The following ROBO1 variants were observed in gnomAD, a reference collection of about 807,000 sequenced individuals.
ROBO1 encodes the protein roundabout guidance receptor 1.
A neutral mutation model predicts 195.9 loss-of-function variants in ROBO1; 149 were observed. The ratio of observed to expected loss-of-function variants is 0.76; its 90% confidence interval spans 0.67 to 0.87. The LOEUF (loss-of-function observed/expected upper bound fraction) is 0.87, where lower values mean the gene tolerates loss of function less well. Ranked by LOEUF, ROBO1 falls within the 40% of genes least tolerant of loss-of-function variation. ROBO1 has a pLI of 0.00. For synonymous variants in ROBO1, 816 were observed against 733.2 expected, an observed-to-expected ratio of 1.11 and a Z score of -1.82; for missense variants, 1,933 against 2,068.3, an observed-to-expected ratio of 0.93 and a Z score of 1.27.
At chr3:79,468,918 T>G (rs1032995985) in intron 2 of ROBO1, among the ~76,000 whole-genome samples, 2 of 152,184 alleles carry the variant, frequency 1.3e-5, no homozygotes, top group African/African-American at 4.8e-5. Flanking sequence ...AAATGTTAAT[T>G]ACCTTGACCT....
At chr3:78,897,927 A>G (rs150344191) in intron 4 of ROBO1, among the ~76,000 whole-genome samples, 2 of 151,960 alleles carry the variant, frequency 1.3e-5, no homozygotes, top group African/African-American at 4.8e-5. Flanking sequence ...AGTGAAAGGT[A>G]GAACTCATGT....
Position 78,994,570 on chromosome 3 carries a change from A to G in ROBO1, c.173-55643T>C, listed in dbSNP as rs534924116. Among the ~76,000 whole-genome samples the G allele has an allele frequency of 9.9e-5, 15 of 152,254 alleles. No individual in the cohort carries two copies. The South Asian group carries it at 3.1e-3, about 32-fold the overall frequency. On this transcript the variant is annotated intron_variant, in intron 3 of 30. Transcript: ENST00000464233. ...GCTTTTAAAAGAACTTTCAATTGGA[A>G]ATACCGAGTAAATGGGTTCACACAG...
At chr3:79,324,311 G>C (rs2034114484) in intron 2 of ROBO1, among the ~76,000 whole-genome samples, 1 of 152,152 alleles carries the variant, frequency 6.6e-6, no homozygotes, top group Non-Finnish European at 1.5e-5. Flanking sequence ...GCACTGAATA[G>C]CCAACAGCAA....
chr3:79,365,907 A>AG (rs2035961720), intron 2 of ROBO1, among the ~76,000 whole-genome samples: 1 of 151,368 alleles, frequency 6.6e-6, no homozygotes, highest in East Asian at 1.9e-4. Context: ...AAAAAAAAAA[A>AG]AAAAAGAGTA....
At chr3:78,704,211 AT>A (rs1473801941) in intron 8 of ROBO1, among the ~76,000 whole-genome samples, 1 of 152,190 alleles carries the variant, frequency 6.6e-6, no homozygotes, top group Non-Finnish European at 1.5e-5. Flanking sequence ...ATTTTCTCAA[AT>A]CAGCAACTTA....
chr3:79,557,421 A>T (rs983979720), intron 2 of ROBO1, among the ~76,000 whole-genome samples: 1 of 152,064 alleles, frequency 6.6e-6, no homozygotes, highest in Non-Finnish European at 1.5e-5. Context: ...ACTATAAAGA[A>T]TTTAAGATAC....
chr3:78,790,256 A>G lies in ROBO1; in HGVS notation c.500-43356T>C, dbSNP rs540699550. On this transcript the variant is annotated intron_variant, in intron 4 of 30. Coordinates refer to ENST00000464233, the MANE Select transcript of ROBO1 (RefSeq NM_002941.4). ...CCTTTGCTTTTATCATTTATCTCCTAGACTTACAGCTTTTCCTGTGCAGCT... is the reference window on the plus strand; with the variant it reads ...CCTTTGCTTTTATCATTTATCTCCTGGACTTACAGCTTTTCCTGTGCAGCT... Among the ~76,000 whole-genome samples the G allele has an allele frequency of 5.9e-5, 9 of 152,218 alleles. No individual in the cohort carries two copies. In the South Asian group the frequency reaches 1.7e-3, roughly 28 times the overall value.
intron 2 of ROBO1, among the ~76,000 whole-genome samples, chr3:79,374,092 G>C (rs73848868): frequency 0.014 from 2,115 of 152,190 alleles, 38 homozygotes; most frequent in African/African-American, 0.047. Flanking sequence ...GGAATGAAAA[G>C]GGCATTTTAA....
At chr3:78,964,829 C>A (rs2076600641) in intron 3 of ROBO1, among the ~76,000 whole-genome samples, 1 of 149,188 alleles carries the variant, frequency 6.7e-6, no homozygotes, top group Admixed American at 6.7e-5. Flanking sequence ...TTTTTTAAAC[C>A]TGTGTTTCAT....
intron 3 of ROBO1, among the ~76,000 whole-genome samples, chr3:78,992,337 C>T (rs1162753134): frequency 6.6e-6 from 1 of 152,068 alleles, no homozygotes; most frequent in Non-Finnish European, 1.5e-5. Context: ...TAGTATTTAT[C>T]TGAAGGTGGC....
chr3:79,153,996 C>T (rs757588072), intron 2 of ROBO1, among the ~76,000 whole-genome samples: 3 of 151,320 alleles, frequency 2.0e-5, no homozygotes, highest in Non-Finnish European at 3.0e-5. Context: ...TTAGTAGCAC[C>T]GACTAGTCAT....
intron 26 of ROBO1, among the ~76,000 whole-genome samples, chr3:78,623,008 A>T (rs186810264): frequency 6.6e-6 from 1 of 152,348 alleles, no homozygotes; most frequent in African/African-American, 2.4e-5. Flanking sequence ...TTCCTGACTC[A>T]TGGGATTGTG....
At chr3:79,578,935 A>G (rs898419347) in intron 2 of ROBO1, among the ~76,000 whole-genome samples, 1 of 152,224 alleles carries the variant, frequency 6.6e-6, no homozygotes, top group Non-Finnish European at 1.5e-5. Context: ...ACTAGTTGCC[A>G]GTGAACATTC....
chr3:79,068,648 C>T (rs1338826775), intron 3 of ROBO1, among the ~76,000 whole-genome samples: 1 of 151,796 alleles, frequency 6.6e-6, no homozygotes, highest in South Asian at 2.1e-4. Flanking sequence ...TCTCCATTTG[C>T]TCTCTTCTCT....
At chr3:78,700,773 T>C (rs1019907709) in intron 8 of ROBO1, among the ~76,000 whole-genome samples, 6 of 64,820 alleles carry the variant, frequency 9.3e-5, no homozygotes, top group African/African-American at 1.8e-4. Flanking sequence ...TCTTTTTTTT[T>C]TTTTTTTGAG....
chr3:79,484,149 G>A (rs540663237), intron 2 of ROBO1, among the ~76,000 whole-genome samples: 16 of 152,238 alleles, frequency 1.1e-4, no homozygotes, highest in South Asian at 2.1e-4. Context: ...GATCCCCCAC[G>A]GGGATCAGTC....
chr3:79,438,586 G>C (rs745536144), intron 2 of ROBO1, among the ~76,000 whole-genome samples: 169 of 151,982 alleles, frequency 1.1e-3, no homozygotes, highest in Non-Finnish European at 3.4e-4. Flanking sequence ...CAAATTACTT[G>C]GTGTGAGTTC....
chr3:79,506,241 A>C (rs1056907600), intron 2 of ROBO1, among the ~76,000 whole-genome samples: 2 of 152,188 alleles, frequency 1.3e-5, no homozygotes, highest in Non-Finnish European at 2.9e-5. Context: ...TGAAATAGAT[A>C]GTAAGTGGAG....
intron 4 of ROBO1, among the ~76,000 whole-genome samples, chr3:78,851,627 T>G (rs903729800): frequency 2.0e-5 from 3 of 152,186 alleles, no homozygotes; most frequent in African/African-American, 7.2e-5. Context: ...CTATAAAAAT[T>G]TATTCAGAAA....
Sources: allele counts gnomAD v4.1 joint callset (sites outside exome capture counted in the v4.1 genomes callset), GRCh38; gene constraint gnomAD v4.1.1; transcripts MANE v1.5; gene names NCBI Gene and HGNC (gene_info 2026-07-23, HGNC 2026-07-21).